DIAPH2: variants seen among roughly 807,000 people sequenced by gnomAD.
DIAPH2 encodes the protein protein diaphanous homolog 2.
In DIAPH2, 35 loss-of-function variants were observed where a neutral mutation model predicts 92.7. That is an observed-to-expected ratio of 0.38 (90% CI 0.29 to 0.50). The LOEUF (loss-of-function observed/expected upper bound fraction) is 0.50. Ranked by LOEUF, DIAPH2 falls within the 20% of genes least tolerant of loss-of-function variation. DIAPH2 has a pLI of 0.94. For synonymous variants in DIAPH2, 301 were observed against 280.4 expected, an observed-to-expected ratio of 1.07 and a Z score of -0.73; for missense variants, 701 against 819.5, an observed-to-expected ratio of 0.86 and a Z score of 1.77.
chrX:96,881,476 C>T (rs1489275569), intron 4 of DIAPH2, 103 bp from the exon 5 acceptor site: 8 of 694,064 alleles, frequency 1.2e-5, no homozygotes, highest in Non-Finnish European at 1.7e-5. Context: ...GTGTGTAGCA[C>T]TCTGCACACA....
rs182890063 is a variant in DIAPH2, at chrX:97,348,909, G to A, written c.3009+629G>A. On this transcript the variant is annotated intron_variant, in intron 24 of 26. Coordinates refer to ENST00000324765, the MANE Select transcript of DIAPH2 (RefSeq NM_006729.5). Reference sequence around the variant, plus strand: ...CACGTCCTCTGCATCTAACAAAGGAGTAGCAGGAAGAGCACAGACTGATTG... The same window carrying A: ...CACGTCCTCTGCATCTAACAAAGGAATAGCAGGAAGAGCACAGACTGATTG... 4.3e-4 allele frequency among the ~76,000 whole-genome samples: 47 copies of A among 109,147 alleles called. No individual in the cohort carries two copies. The East Asian group carries it at 0.012, about 29-fold the overall frequency. 94.8% of individuals were successfully genotyped at this position (109,147 alleles called of 115,157 possible). A position where few individuals can be genotyped will look rare whatever the true frequency, so the allele number is the denominator to read the frequency against.
At chrX:97,179,823 G>A (rs2067524668) in intron 22 of DIAPH2, among the ~76,000 whole-genome samples, 1 of 111,807 alleles carries the variant, frequency 8.9e-6, no homozygotes, top group Admixed American at 9.5e-5. Flanking sequence ...TGGCTGGGGA[G>A]GCCTCAGAAT....
chrX:97,497,660 G>A (rs1007200915), intron 26 of DIAPH2, among the ~76,000 whole-genome samples: 3 of 110,291 alleles, frequency 2.7e-5, no homozygotes, highest in Non-Finnish European at 5.7e-5. Flanking sequence ...ACAAAAATTA[G>A]CGAGGTATAT....
chrX:97,330,666 C>A (rs2068993643), intron 23 of DIAPH2, among the ~76,000 whole-genome samples: 1 of 109,909 alleles, frequency 9.1e-6, no homozygotes, highest in Non-Finnish European at 1.9e-5. Flanking sequence ...GCGCCCGCCA[C>A]CACGCCCAGC....
chrX:97,062,219 A>G (rs2066604080), intron 17 of DIAPH2, among the ~76,000 whole-genome samples: 1 of 111,911 alleles, frequency 8.9e-6, no homozygotes, highest in Admixed American at 9.5e-5. Context: ...TTGACCAAGT[A>G]TTGCCTTCAG....
chrX:96,735,723 G>A, intron 1 of DIAPH2, 35 bp from the exon 2 acceptor site: 1 of 869,197 alleles, frequency 1.2e-6, no homozygotes, highest in Non-Finnish European at 1.6e-6. Flanking sequence ...TTATCTGATG[G>A]GTTTTTTTTG....
intron 17 of DIAPH2, among the ~76,000 whole-genome samples, chrX:97,031,507 C>T (rs1406056532): frequency 9.0e-6 from 1 of 111,454 alleles, no homozygotes; most frequent in Non-Finnish European, 1.9e-5. Context: ...AGCATCATTC[C>T]ATCAAGGGAA....
At chrX:96,834,746 A>T (rs960010124) in intron 4 of DIAPH2, among the ~76,000 whole-genome samples, 1 of 111,986 alleles carries the variant, frequency 8.9e-6, no homozygotes, top group African/African-American at 3.2e-5. Context: ...TTATGAGAAA[A>T]AAAATGTTAG....
intron 19 of DIAPH2, among the ~76,000 whole-genome samples, chrX:97,081,326 T>C (rs1022808793): frequency 9.0e-6 from 1 of 111,616 alleles, no homozygotes; most frequent in Non-Finnish European, 1.9e-5. Context: ...CAGTCTATTA[T>C]TATAATTACA....
intron 1 of DIAPH2, among the ~76,000 whole-genome samples, chrX:96,719,148 G>A (rs1472344010): frequency 4.5e-5 from 5 of 111,852 alleles, no homozygotes. Flanking sequence ...TCTCTATATA[G>A]AGTTGTTTGA....
chrX:97,509,689 T>G (rs1422366951), intron 26 of DIAPH2, among the ~76,000 whole-genome samples: 1 of 103,191 alleles, frequency 9.7e-6, no homozygotes, highest in African/African-American at 3.6e-5. Flanking sequence ...CCCCAGAGTG[T>G]GATGTTCCCC....
chrX:97,117,140 C>A (rs2067022318), intron 21 of DIAPH2, among the ~76,000 whole-genome samples: 1 of 109,615 alleles, frequency 9.1e-6, no homozygotes, highest in African/African-American at 3.3e-5. Context: ...AGATTTTTAT[C>A]TTCTGGGAAA....
intron 26 of DIAPH2, among the ~76,000 whole-genome samples, chrX:97,594,210 C>T (rs951269650): frequency 1.8e-5 from 2 of 110,069 alleles, no homozygotes; most frequent in African/African-American, 6.6e-5. Flanking sequence ...CGTACACATA[C>T]ACAAAAGACA....
At chrX:97,461,027 C>A (rs1345229519) in intron 26 of DIAPH2, among the ~76,000 whole-genome samples, 1 of 112,014 alleles carries the variant, frequency 8.9e-6, no homozygotes, top group African/African-American at 3.2e-5. Context: ...GAATGTATGA[C>A]CCTACAGGGC....
intron 24 of DIAPH2, among the ~76,000 whole-genome samples, chrX:97,349,030 A>G (rs1018906630): frequency 9.7e-6 from 1 of 102,897 alleles, no homozygotes. Flanking sequence ...GTGTATATAT[A>G]TGTGTGTATA....
At chrX:96,929,709 G>A (rs2065607257) in intron 9 of DIAPH2, among the ~76,000 whole-genome samples, 1 of 110,888 alleles carries the variant, frequency 9.0e-6, no homozygotes, top group African/African-American at 3.3e-5. Flanking sequence ...ATTTATTTGT[G>A]TCTGCTTCTA....
At chrX:96,837,433 C>CTG (rs1168572857) in intron 4 of DIAPH2, among the ~76,000 whole-genome samples, 490 of 41,300 alleles carry the variant, frequency 0.012, 3 homozygotes, top group Middle Eastern at 0.023. Context: ...CTCTCTCTCT[C>CTG]TGTGTGTGTG....
intron 10 of DIAPH2, among the ~76,000 whole-genome samples, chrX:96,933,768 TA>T (rs1211625689): frequency 2.5e-5 from 2 of 79,394 alleles, no homozygotes; most frequent in Non-Finnish European, 5.2e-5. Context: ...CATGCCCGGC[TA>T]ATTTTTTTTT....
At chrX:97,228,416 G>A (rs1384304801) in intron 22 of DIAPH2, among the ~76,000 whole-genome samples, 1 of 111,429 alleles carries the variant, frequency 9.0e-6, no homozygotes, top group Non-Finnish European at 1.9e-5. Flanking sequence ...TGTGGGGAGA[G>A]AATTCATATA....
Sources: gnomAD v4.1 joint callset for allele counts (sites outside exome capture counted in the v4.1 genomes callset) on GRCh38, gnomAD v4.1.1 for gene constraint, MANE v1.5 for transcripts, NCBI Gene and HGNC (gene_info 2026-07-23, HGNC 2026-07-21) for gene names.